The following USH2A variants were observed in gnomAD, a reference collection of about 807,000 sequenced individuals.
USH2A encodes usherin.
A neutral mutation model predicts 538.9 loss-of-function variants in USH2A; 443 were observed. That is an observed-to-expected ratio of 0.82 (90% CI 0.76 to 0.89). The LOEUF is 0.89. USH2A is among the 40% of genes least tolerant of loss of function. The pLI, the probability that USH2A is intolerant of heterozygous loss-of-function variation, is 0.00. For synonymous variants in USH2A, 2,413 were observed against 2,273.5 expected (o/e 1.06, Z -1.75); for missense variants, 6,633 against 6,324.8 (o/e 1.05, Z -1.65).
intron 49 of USH2A, 86 bp downstream of exon 49, chr1:215,813,650 T>A (rs866858551): frequency 1.6e-5 from 25 of 1,538,294 alleles, no homozygotes; most frequent in Non-Finnish European, 2.2e-5. Flanking sequence ...GAGAGGGAGG[T>A]GTTTGAAATA....
chr1:216,332,780 A>G (rs567430316), intron 4 of USH2A, among the ~76,000 whole-genome samples: 126 of 152,298 alleles, frequency 8.3e-4, no homozygotes, highest in African/African-American at 2.9e-3. Flanking sequence ...ACTTCACAGA[A>G]TTAGCTCAGG....
intron 41 of USH2A, among the ~76,000 whole-genome samples, chr1:215,882,681 TTC>T (rs1028676844): frequency 1.3e-5 from 2 of 152,086 alleles, no homozygotes; most frequent in Non-Finnish European, 2.9e-5. Context: ...CTCTCTCTCT[TTC>T]TCTTTTATTT....
At chr1:215,858,875 G>T (rs974777081) in intron 44 of USH2A, among the ~76,000 whole-genome samples, 11 of 152,084 alleles carry the variant, frequency 7.2e-5, no homozygotes, top group Non-Finnish European at 1.5e-4. Flanking sequence ...AAATATTAAA[G>T]GCTGGGTGGC....
At chr1:215,775,789 T>G (rs1475931867) in intron 55 of USH2A, among the ~76,000 whole-genome samples, 1 of 152,232 alleles carries the variant, frequency 6.6e-6, no homozygotes, top group Non-Finnish European at 1.5e-5. Flanking sequence ...ACAACCAGCA[T>G]TGTTAGGGTT....
At chr1:216,421,627 T>G (rs1014294970) in intron 2 of USH2A, among the ~76,000 whole-genome samples, 2 of 152,200 alleles carry the variant, frequency 1.3e-5, no homozygotes, top group African/African-American at 4.8e-5. Flanking sequence ...GATTCCTGCA[T>G]AAACACATTT....
intron 44 of USH2A, among the ~76,000 whole-genome samples, chr1:215,860,833 G>T (rs1664295435): frequency 1.3e-5 from 2 of 152,168 alleles, no homozygotes; most frequent in African/African-American, 2.4e-5. Flanking sequence ...CTCATTTTGG[G>T]AGGTAATGTT....
rs1182754714 is a variant in USH2A at position 216,247,028 on chromosome 1, A to C, written c.2366T>G (p.Val789Gly). 1 of 1,614,048 alleles carries C rather than the reference A, an allele frequency of 6.2e-7. No individual in the cohort carries two copies. Among genetic ancestry groups the C allele is most frequent in the Non-Finnish European group, 8.5e-7 (1 of 1,179,986 alleles). The change falls in exon 13 of 72, where the codon GTC (valine) becomes GGC (glycine). Residue 789 changes from valine (V) to glycine (G), a missense_variant. Transcript: ENST00000307340. ...ACAGTCACAGGCCTTACAATTGGTG[A>C]CATCTAACCCATAAAAGTTTTCTCT... ...TCRENFYGLD[V>G]TNCKACDCDT... is the part of the protein sequence containing the mutation.
chr1:215,848,496 A>G (rs1476091623), intron 44 of USH2A, among the ~76,000 whole-genome samples: 1 of 152,134 alleles, frequency 6.6e-6, no homozygotes, highest in Non-Finnish European at 1.5e-5. Context: ...AGCAAAGATC[A>G]CATGTCAATG....
chr1:216,155,331 C>T (rs1487929470), intron 21 of USH2A, among the ~76,000 whole-genome samples: 1 of 152,078 alleles, frequency 6.6e-6, no homozygotes, highest in Non-Finnish European at 1.5e-5. Context: ...TTTATAATTG[C>T]TTACTGTTCA....
At position 216,301,143 on chromosome 1, in the gene USH2A, G is replaced by C. The variant is rs1391573320; in HGVS notation, c.1645-8773C>G. ...ACAAGTTTAAGTAATTTAACTGCAA[G>C]AGCAATTTATTTATTCAGTCACTTA... On this transcript the variant is annotated intron_variant, in intron 9 of 71. Coordinates refer to ENST00000307340, the MANE Select transcript of USH2A (RefSeq NM_206933.4). Among the ~76,000 whole-genome samples, 3 of 152,008 alleles carry C rather than the reference G, an allele frequency of 2.0e-5. No homozygotes were observed. In the East Asian group the frequency reaches 5.8e-4, roughly 29 times the overall value.
chr1:215,800,246 C>T (rs1433243778), intron 49 of USH2A, among the ~76,000 whole-genome samples: 1 of 152,102 alleles, frequency 6.6e-6, no homozygotes, highest in African/African-American at 2.4e-5. Flanking sequence ...GGTTGTCTTC[C>T]CTCGTGGCCT....
chr1:215,860,353 T>C (rs1664283354), intron 44 of USH2A, among the ~76,000 whole-genome samples: 1 of 152,226 alleles, frequency 6.6e-6, no homozygotes. Flanking sequence ...ATCTGGCCTG[T>C]TGGCCTAGTG....
At chr1:215,803,311 G>C (rs986353878) in intron 49 of USH2A, among the ~76,000 whole-genome samples, 6 of 152,004 alleles carry the variant, frequency 3.9e-5, no homozygotes, top group Non-Finnish European at 7.4e-5. Flanking sequence ...GGAAATAAAA[G>C]GTATTCAATT....
Position 216,073,106 on chromosome 1 carries a change from G to T in USH2A, c.5767C>A (p.Pro1923Thr). The T allele has an allele frequency of 1.2e-6, 2 of 1,613,794 alleles. No individual in the cohort carries two copies. The highest frequency in any genetic ancestry group is 1.7e-6 in the Non-Finnish European group (2 of 1,179,934). Residue 1923 changes from proline (P) to threonine (T), a missense_variant, in exon 28 of 72, where the codon CCT becomes ACT. Transcript: ENST00000307340. The stretch of plus-strand genomic sequence containing the variant: ...AGGACCTCCACATTACCTGTAAAAG[G>T]CTGGAGACCACCCTCGTAAACACTC... The part of the protein sequence containing the change: ...EQSVYEGGLQ[P>T]FTEYLYRVIA...
At chr1:216,117,254 G>A (rs531551116) in intron 21 of USH2A, among the ~76,000 whole-genome samples, 1 of 152,054 alleles carries the variant, frequency 6.6e-6, no homozygotes, top group African/African-American at 2.4e-5. Context: ...CTATCATTAT[G>A]GTCAGACTGC....
chr1:215,640,867 A>C, intron 67 of USH2A, 133 bp from the exon 68 acceptor site: 1 of 975,430 alleles, frequency 1.0e-6, no homozygotes, highest in Non-Finnish European at 1.5e-6. Flanking sequence ...AAAAAAGAAA[A>C]CCAACATTGC....
At chr1:215,823,918 A>T (rs1050538442) in intron 47 of USH2A, among the ~76,000 whole-genome samples, 1 of 152,016 alleles carries the variant, frequency 6.6e-6, no homozygotes, top group African/African-American at 2.4e-5. Context: ...AAATCTGTTG[A>T]GAAATGTCTG....
chr1:216,131,901 C>T (rs2033384166), intron 21 of USH2A, among the ~76,000 whole-genome samples: 1 of 151,942 alleles, frequency 6.6e-6, no homozygotes. Context: ...TATTAATTTT[C>T]TTTAATCCTC....
chr1:215,692,939 T>A (rs1313616560), intron 61 of USH2A, among the ~76,000 whole-genome samples: 1 of 151,824 alleles, frequency 6.6e-6, no homozygotes, highest in Non-Finnish European at 1.5e-5. Flanking sequence ...AGTCTCACTC[T>A]GTTGCCCGGG....
Sources: gnomAD v4.1 joint callset for allele counts (sites outside exome capture counted in the v4.1 genomes callset) on GRCh38, gnomAD v4.1.1 for gene constraint, MANE v1.5 for transcripts, NCBI Gene and HGNC (gene_info 2026-07-23, HGNC 2026-07-21) for gene names.